FERMT1: variants seen among roughly 807,000 people sequenced by gnomAD.
FERMT1 encodes FERM domain containing kindlin 1, also known as fermitin family homolog 1.
A neutral mutation model predicts 85.3 loss-of-function variants in FERMT1; 60 were observed. The ratio of observed to expected loss-of-function variants is 0.70; its 90% CI spans 0.57 to 0.87. The LOEUF is 0.87. Among genes scored for constraint, FERMT1 ranks in the 40% least tolerant of loss-of-function variants. The pLI, the probability that FERMT1 is intolerant of heterozygous loss-of-function variation, is 0.00. For synonymous variants in FERMT1, 275 were observed against 301.1 expected (o/e 0.91, Z 0.90); for missense variants, 701 against 818.9 (o/e 0.86, Z 1.76).
intron 11 of FERMT1, 50 bp downstream of exon 11, chr20:6,087,727 T>C: frequency 1.9e-6 from 2 of 1,031,232 alleles, no homozygotes; most frequent in Non-Finnish European, 3.1e-6. Context: ...GGTTTTGCTC[T>C]TAGGCTTAGT....
chr20:6,084,565 G>C (rs1051810841), intron 12 of FERMT1, among the ~76,000 whole-genome samples: 1 of 152,096 alleles, frequency 6.6e-6, no homozygotes, highest in Non-Finnish European at 1.5e-5. Context: ...TACATGTTTA[G>C]TCAGCAGTAC....
chr20:6,089,925 T>G (rs1334955502), intron 9 of FERMT1, among the ~76,000 whole-genome samples: 1 of 151,982 alleles, frequency 6.6e-6, no homozygotes, highest in African/African-American at 2.4e-5. Flanking sequence ...GAAAAGAAAT[T>G]ATTAGTATGC....
chr20:6,106,430 TAC>T (rs895733854), intron 6 of FERMT1, among the ~76,000 whole-genome samples: 4 of 151,560 alleles, frequency 2.6e-5, no homozygotes, highest in African/African-American at 9.7e-5. Context: ...AAAGGGTCTG[TAC>T]AGAAAGGCTG....
At chr20:6,081,179 G>A (rs1600424050) in intron 13 of FERMT1, among the ~76,000 whole-genome samples, 2 of 152,004 alleles carry the variant, frequency 1.3e-5, no homozygotes, top group Non-Finnish European at 2.9e-5. Flanking sequence ...GGGAGGCTGG[G>A]GTGAGAGGAT....
At chr20:6,085,796 C>A (rs2123101571) in intron 11 of FERMT1, among the ~76,000 whole-genome samples, 1 of 151,124 alleles carries the variant, frequency 6.6e-6, no homozygotes, top group Non-Finnish European at 1.5e-5. Flanking sequence ...TTGCAGTGAG[C>A]CAAGATTGCA....
chr20:6,112,510 G>C lies in FERMT1; in HGVS notation c.499C>G (p.Leu167Val). The change falls in exon 4 of 15, where the codon CTG becomes GTG. Residue 167 changes from leucine to valine, a missense_variant. By Grantham distance (32) the Leu-to-Val change is conservative. Transcript: ENST00000217289. ...CCTGAAGCTGTTGGAGAACTCTCCA[G>C]GTTTAGAATATCTTCAATTATGGGT... is the stretch of plus-strand genomic sequence containing the variant. ...KEPIIEDILN[L>V]ESSPTASGSS... 1 of 1,613,616 alleles carries C rather than the reference G, an allele frequency of 6.2e-7. No individual in the cohort carries two copies. Among genetic ancestry groups the C allele is most frequent in the Non-Finnish European group, 8.5e-7 (1 of 1,179,750 alleles).
intron 6 of FERMT1, among the ~76,000 whole-genome samples, chr20:6,106,329 C>T (rs1043992118): frequency 6.6e-6 from 1 of 152,128 alleles, no homozygotes; most frequent in African/African-American, 2.4e-5. Context: ...ACAGTGGAAG[C>T]TGAGGTGAGC....
At chr20:6,090,642 T>C (rs981202183) in intron 9 of FERMT1, among the ~76,000 whole-genome samples, 2 of 151,868 alleles carry the variant, frequency 1.3e-5, no homozygotes, top group Non-Finnish European at 2.9e-5. Flanking sequence ...GTCCCAGCTA[T>C]GTGGGAGGAT....
intron 13 of FERMT1, among the ~76,000 whole-genome samples, chr20:6,080,320 G>A (rs536914958): frequency 1.3e-5 from 2 of 152,132 alleles, no homozygotes; most frequent in Non-Finnish European, 2.9e-5. Context: ...TTGTGTGTGT[G>A]TGTGTCTTGT....
intron 6 of FERMT1, among the ~76,000 whole-genome samples, chr20:6,103,834 T>G (rs1982727509): frequency 6.7e-6 from 1 of 149,770 alleles, no homozygotes; most frequent in Non-Finnish European, 1.5e-5. Flanking sequence ...CAATCTTTTC[T>G]GGATTCTTCA....
At chr20:6,084,604 T>C (rs1982108173) in intron 12 of FERMT1, among the ~76,000 whole-genome samples, 1 of 152,178 alleles carries the variant, frequency 6.6e-6, no homozygotes, top group African/African-American at 2.4e-5. Context: ...TAACAATAAT[T>C]TCATAACATC....
rs372599720 is a variant in FERMT1, at chr20:6,096,915, G to A, written c.1076C>T (p.Ala359Val). 1.7e-5 allele frequency: 28 copies of A among 1,612,088 alleles called. No individual in the cohort carries two copies. The highest frequency in any genetic ancestry group is 1.0e-4 in the Admixed American group (6 of 59,818). ...AAAAGTTCATACCAAAAGGCTGTCC[G>A]CTTTTCCACCTTCTAGGGTTACTTC... ...NLEVTLEGGK[A>V]DSLLEDITDI... Residue 359 changes from alanine to valine, a missense_variant, in exon 8 of 15, where the codon GCG becomes GTG. Physicochemically the swap from Ala to Val is moderately conservative, Grantham distance 64. Transcript: ENST00000217289.
At chr20:6,077,493 TC>T (rs990144504) in intron 14 of FERMT1, 147 bp from the exon 15 acceptor site, 2 of 758,024 alleles carry the variant, frequency 2.6e-6, no homozygotes, top group Admixed American at 2.4e-5. Context: ...AACCATCACT[TC>T]CATTAAACGC....
intron 2 of FERMT1, among the ~76,000 whole-genome samples, chr20:6,116,492 G>C (rs906922979): frequency 6.6e-6 from 1 of 152,108 alleles, no homozygotes. Flanking sequence ...ACTTTGGGAG[G>C]CTGATGCAAG....
chr20:6,102,052 C>T (rs774647587), intron 6 of FERMT1, among the ~76,000 whole-genome samples: 25 of 152,076 alleles, frequency 1.6e-4, no homozygotes, highest in East Asian at 7.7e-4. Context: ...TTTAGAGGCA[C>T]GGTCTCACCC....
At chr20:6,118,962 C>T (rs1333574506) in intron 2 of FERMT1, among the ~76,000 whole-genome samples, 3 of 150,392 alleles carry the variant, frequency 2.0e-5, no homozygotes, top group Non-Finnish European at 4.4e-5. Flanking sequence ...TTTTTTTTTC[C>T]CCCGACACCG....
chr20:6,106,370 A>G (rs1982797194), intron 6 of FERMT1, among the ~76,000 whole-genome samples: 1 of 152,182 alleles, frequency 6.6e-6, no homozygotes, highest in South Asian at 2.1e-4. Flanking sequence ...GTCAGGACCA[A>G]GAAGAAGACA....
In FERMT1 at chr20:6,115,871, A is replaced by T. The variant is rs1361205005; in HGVS notation, c.325T>A (p.Leu109Met). 6.2e-7 allele frequency: 1 copy of T among 1,613,972 alleles called. No individual in the cohort carries two copies. Among genetic ancestry groups the T allele is most frequent in the African/African-American group, 1.3e-5 (1 of 74,892 alleles). ...LRLPNLKMVR[L>M]RVSFSAVVFK... The stretch of plus-strand genomic sequence containing the variant: ...ACCACAGCTGAGAAGCTGACTCGCA[A>T]CCTCACCATCTTCAAATTCGGCAGA... The change falls in exon 3 of 15, where the codon TTG becomes ATG. Residue 109 changes from leucine to methionine, a missense_variant. Transcript: ENST00000217289.
At position 6,082,056 on chromosome 20, in the gene FERMT1, C is replaced by T. The variant is rs150773270; in HGVS notation, c.1718+1984G>A. Among the ~76,000 whole-genome samples the T allele has an allele frequency of 8.1e-3, 1,232 of 152,300 alleles. 11 individuals are homozygous for T. The highest frequency in any genetic ancestry group is 0.02 in the Middle Eastern group (6 of 294). On this transcript the variant is annotated intron_variant, in intron 13 of 14. Transcript: ENST00000217289. Reference sequence around the variant, plus strand: ...GGCAGATCCCGATTCCGCCAGACATCCTACACACAGCATGGCTGCTCCAGG... The same window carrying T: ...GGCAGATCCCGATTCCGCCAGACATTCTACACACAGCATGGCTGCTCCAGG...
Sources: allele counts gnomAD v4.1 joint callset (sites outside exome capture counted in the v4.1 genomes callset), GRCh38; gene constraint gnomAD v4.1.1; transcripts MANE v1.5; gene names NCBI Gene and HGNC (gene_info 2026-07-23, HGNC 2026-07-21).